The following RECQL5 variants were observed in gnomAD, a reference collection of about 807,000 sequenced individuals.
The protein encoded by RECQL5 is ATP-dependent DNA helicase Q5.
A neutral mutation model predicts 103.4 loss-of-function variants in RECQL5; 88 were observed. The observed-to-expected ratio is 0.85, with a 90% CI of 0.72 to 1.02. The LOEUF is 1.02. Ranked by LOEUF, RECQL5 falls within the 50% of genes least tolerant of loss-of-function variation. RECQL5 has a pLI of 0.00. For missense variants in RECQL5, 1,232 were observed against 1,284.3 expected (o/e 0.96, Z 0.62); for synonymous variants, 552 against 507.9 (o/e 1.09, Z -1.17).
rs72854944 is a variant in RECQL5, at chr17:75,640,781, G to C, written c.1230-9113C>G. The C allele has an allele frequency of 6.5e-7, 1 of 1,549,352 alleles. No homozygotes were observed. Among genetic ancestry groups the C allele is most frequent in the Non-Finnish European group, 8.7e-7 (1 of 1,146,270 alleles). On this transcript the variant is annotated intron_variant, in intron 8 of 19. Coordinates refer to ENST00000317905, the MANE Select transcript of RECQL5 (RefSeq NM_004259.7). This position sits in a 1 kb window ranked among gnomAD's most constrained non-coding sequence, Gnocchi z 4.6. ...CAACCTGAGTCCCGTGCTCTCTCCC[G>C]GCCCTCCAGCTACTGTTCTGCTGTT...
At chr17:75,662,274 T>C (rs1356811049) in intron 4 of RECQL5, among the ~76,000 whole-genome samples, 2 of 152,196 alleles carry the variant, frequency 1.3e-5, no homozygotes, top group Non-Finnish European at 2.9e-5. Context: ...GGCTGGCTGC[T>C]TGCCTTCCAC....
rs763241643 is a variant in RECQL5, at chr17:75,630,852, G to GGGTGGTCC, written c.1586-16_1586-15insGGACCACC. The stretch of plus-strand genomic sequence containing the variant: ...ACAGTTCTCATCTGTGGGGGGGGGG[G>GGGTGGTCC]GTGGTCCTTGGTCCTTTCGCTCCAC... On this transcript the variant is annotated splice_polypyrimidine_tract_variant and intron_variant, in intron 11 of 19. Transcript: ENST00000317905. 16 of 1,433,454 alleles carry GGGTGGTCC rather than the reference G, an allele frequency of 1.1e-5. No individual in the cohort carries two copies. The highest frequency in any genetic ancestry group is 1.4e-5 in the Non-Finnish European group (15 of 1,060,290). The allele number at this position is 1,433,454 out of a possible 1,614,324, so 88.8% of individuals were successfully genotyped here.
At chr17:75,641,927 C>G (rs1006532844) in intron 8 of RECQL5, among the ~76,000 whole-genome samples, 1 of 152,160 alleles carries the variant, frequency 6.6e-6, no homozygotes, top group East Asian at 1.9e-4. Context: ...GGAGCAAATC[C>G]TGGTACTGCT....
In RECQL5 at chr17:75,635,801, C is replaced by T. The variant is rs538608178; in HGVS notation, c.1230-4133G>A. ...CCTCTGGGGCCCCGCGCTGCCAACACACCTCGCTTATCAGTCTCAAACACG... is the reference window on the plus strand; with the variant it reads ...CCTCTGGGGCCCCGCGCTGCCAACATACCTCGCTTATCAGTCTCAAACACG... On this transcript the variant is annotated intron_variant, in intron 8 of 19. Transcript: ENST00000317905. 39 of 985,482 alleles carry T rather than the reference C, an allele frequency of 4.0e-5. No individual in the cohort carries two copies. In the African/African-American group the frequency reaches 4.4e-4, roughly 11 times the overall value. The allele number at this position is 985,482 out of a possible 1,614,324, so 61.0% of individuals were successfully genotyped here. A position where few individuals can be genotyped will look rare whatever the true frequency, so the allele number is the denominator to read the frequency against.
rs536447914 is a variant in RECQL5, at chr17:75,662,914, C to G, written c.336G>C (p.Leu112=). The G allele has an allele frequency of 2.5e-6, 4 of 1,614,168 alleles. No homozygotes were observed. Among genetic ancestry groups the G allele is most frequent in the East Asian group, 2.2e-5 (1 of 44,882 alleles). ...SKLSAQERKE[L]LADLEREKPQ... is the part of the protein sequence containing the mutation. ...GCTTTTCTCGCTCCAGGTCAGCAAGCAGCTCCTTCCTTTCCTGTGCAGAGA... is the reference window on the plus strand; with the variant it reads ...GCTTTTCTCGCTCCAGGTCAGCAAGGAGCTCCTTCCTTTCCTGTGCAGAGA... The change falls in exon 4 of 20, where the codon CTG becomes CTC. Residue 112 remains leucine, a synonymous_variant. Coordinates refer to ENST00000317905, the MANE Select transcript of RECQL5 (RefSeq NM_004259.7).
At chr17:75,641,232 A>G (rs975944731) in intron 8 of RECQL5, 12 of 248,884 alleles carry the variant, frequency 4.8e-5, no homozygotes, top group Non-Finnish European at 9.7e-5. Flanking sequence ...AACAGTCCCC[A>G]CCTGTGGGCA....
rs751576684 is a variant in RECQL5 at position 75,628,252 on chromosome 17, G to T, written c.2771C>A (p.Thr924Asn). The change falls in exon 18 of 20, where the codon ACC (threonine) becomes AAC (asparagine). Residue 924 changes from threonine (T) to asparagine (N), a missense_variant. By Grantham distance (65) the Thr-to-Asn change is moderately conservative. Coordinates refer to ENST00000317905, the MANE Select transcript of RECQL5 (RefSeq NM_004259.7). The stretch of plus-strand genomic sequence containing the variant: ...AAACTTGCCCTCCTTGTAGAAAGGG[G>T]TGAGGCACTTGACCACAACATTTGC... Reference protein sequence around the residue: ...EAANVVVKCLTPFYKEGKFAS... With the variant: ...EAANVVVKCLNPFYKEGKFAS... 5.6e-6 allele frequency: 9 copies of T among 1,614,198 alleles called. No individual in the cohort carries two copies. The highest frequency in any genetic ancestry group is 5.0e-5 in the Admixed American group (3 of 60,032).
At chr17:75,658,554 C>T (rs2059657386) in intron 6 of RECQL5, 94 bp from the exon 7 acceptor site, 2 of 1,183,710 alleles carry the variant, frequency 1.7e-6, no homozygotes, top group African/African-American at 1.5e-5. Flanking sequence ...GGGAGGCCAG[C>T]AGATAGGGAG....
At chr17:75,647,281 C>A in intron 8 of RECQL5, 1 of 1,147,832 alleles carries the variant, frequency 8.7e-7, no homozygotes, top group Non-Finnish European at 1.2e-6. Flanking sequence ...GAGGCTGCTA[C>A]AGAGGCTGGA....
At chr17:75,650,264 G>C (rs2059538146) in intron 8 of RECQL5, 1 of 998,128 alleles carries the variant, frequency 1.0e-6, no homozygotes, top group Admixed American at 5.7e-5. Context: ...GGCCAAATTA[G>C]AGACAGCAGT....
chr17:75,627,457 C>G lies in RECQL5; in HGVS notation c.2941G>C (p.Ala981Pro), dbSNP rs1296143848. 1 of 1,613,748 alleles carries G rather than the reference C, an allele frequency of 6.2e-7. No homozygotes were observed. The highest frequency in any genetic ancestry group is 2.2e-5 in the East Asian group (1 of 44,866). ...GGGCCACACAGGCCATGCCAGTCAG[C>G]TTCGCTCTCGCACCGGGCCCGGCCA... Reference protein sequence around the residue: ...FHGRARCESEADWHGLCGPQR With the variant: ...FHGRARCESEPDWHGLCGPQR Residue 981 changes from alanine to proline, a missense_variant, in exon 20 of 20, where the codon GCT (alanine) becomes CCT (proline). Ala to Pro is a conservative substitution (Grantham distance 27). Coordinates refer to ENST00000317905, the MANE Select transcript of RECQL5 (RefSeq NM_004259.7).
intron 7 of RECQL5, among the ~76,000 whole-genome samples, chr17:75,657,915 G>A (rs949595658): frequency 7.2e-5 from 11 of 152,004 alleles, no homozygotes; most frequent in Admixed American, 2.0e-4. Context: ...GGGCATGGTG[G>A]CATGCACCTG....
chr17:75,643,693 G>A (rs766024728), intron 8 of RECQL5, among the ~76,000 whole-genome samples: 2 of 152,224 alleles, frequency 1.3e-5, no homozygotes, highest in East Asian at 1.9e-4. Context: ...AGACCTGGGC[G>A]GCCTGAAGAC....
At position 75,628,364 on chromosome 17, in the gene RECQL5, C is replaced by T. The variant is rs747425084; in HGVS notation, c.2659G>A (p.Val887Ile). 1.5e-5 allele frequency: 25 copies of T among 1,613,966 alleles called. No individual in the cohort carries two copies. Among genetic ancestry groups the T allele is most frequent in the East Asian group, 4.5e-5 (2 of 44,898 alleles). The change falls in exon 18 of 20, where the codon GTC (valine) becomes ATC (isoleucine). Residue 887 changes from valine to isoleucine, a missense_variant. Transcript: ENST00000317905. The stretch of plus-strand genomic sequence containing the variant: ...AAGGTGCCCTGTTCGCTGGCCGAGA[C>T]GCTGCCCTTGACCTCAGCTACGACG... ...PSVVAEVKGS[V>I]SASEQGTLNP...
rs985107055 is a variant in RECQL5, at chr17:75,662,660, G to C, written c.590C>G (p.Pro197Arg). The C allele has an allele frequency of 2.5e-6, 4 of 1,614,040 alleles. No individual in the cohort carries two copies. Among genetic ancestry groups the C allele is most frequent in the South Asian group, 1.1e-5 (1 of 91,086 alleles). ...PCVALTATAT[P>R]QVQEDVFAAL... ...AGCAAACACGTCCTCTTGGACCTGT[G>C]GGGTGGCTGTGGCGGTCAGAGCCAC... Residue 197 changes from proline (P) to arginine (R), a missense_variant, in exon 4 of 20, where the codon CCA becomes CGA. Physicochemically the swap from Pro to Arg is moderately radical, Grantham distance 103 (BLOSUM62 -2). Transcript: ENST00000317905.
At position 75,627,114 on chromosome 17, in the gene RECQL5, A is replaced by T; in HGVS notation, c.*308T>A. ...CTGACTTAGAACTCGGGGAGGGGCC[A>T]CTCTTCCTTCCCCTTCTTCCAGCAG... On this transcript the variant is annotated 3_prime_UTR_variant, in exon 20 of 20. Coordinates refer to ENST00000317905, the MANE Select transcript of RECQL5 (RefSeq NM_004259.7). 1.9e-6 allele frequency: 1 copy of T among 516,776 alleles called. No individual in the cohort carries two copies. Among genetic ancestry groups the T allele is most frequent in the Non-Finnish European group, 3.7e-6 (1 of 267,074 alleles). 32.0% of individuals were successfully genotyped at this position (516,776 alleles called of 1,614,324 possible).
chr17:75,631,107 G>A (rs376601145), intron 10 of RECQL5, 43 bp downstream of exon 10: 14 of 1,609,144 alleles, frequency 8.7e-6, no homozygotes, highest in Non-Finnish European at 1.1e-5. Context: ...CGAGCAGGGG[G>A]CCACCAGGGG....
intron 7 of RECQL5, among the ~76,000 whole-genome samples, chr17:75,652,025 G>A (rs1254493341): frequency 2.6e-5 from 4 of 152,180 alleles, no homozygotes; most frequent in East Asian, 1.9e-4. Flanking sequence ...TCAAGAGTTC[G>A]AGACCGGCCT....
intron 8 of RECQL5, chr17:75,650,860 G>A (rs2059546332): frequency 1.4e-6 from 2 of 1,466,950 alleles, no homozygotes; most frequent in Admixed American, 4.8e-5. Flanking sequence ...GGTGGCACAT[G>A]ATGACCACAA....
Sources: allele counts gnomAD v4.1 joint callset (sites outside exome capture counted in the v4.1 genomes callset), GRCh38; gene constraint gnomAD v4.1.1; non-coding constraint Gnocchi (gnomAD v3.1); transcripts MANE v1.5; gene names NCBI Gene and HGNC (gene_info 2026-07-23, HGNC 2026-07-21).